Variants in GALNTL6 observed in about 807,000 individuals in gnomAD.
GALNTL6 encodes the protein polypeptide N-acetylgalactosaminyltransferase-like 6.
GALNTL6 carries 46 observed loss-of-function variants against 73.7 expected under a neutral mutation model. The ratio of observed to expected loss-of-function variants is 0.62; its 90% CI spans 0.49 to 0.80. GALNTL6 has a LOEUF of 0.80. Among genes scored for constraint, GALNTL6 ranks in the 30% least tolerant of loss-of-function variants. GALNTL6 has a pLI of 0.00. For synonymous variants in GALNTL6, 259 were observed against 263.7 expected (o/e 0.98, Z 0.17); for missense variants, 604 against 755.0 (o/e 0.80, Z 2.34).
chr4:172,973,119 C>G (rs1750656240), intron 10 of GALNTL6, among the ~76,000 whole-genome samples: 1 of 152,090 alleles, frequency 6.6e-6, no homozygotes, highest in Non-Finnish European at 1.5e-5. Flanking sequence ...TTTGCAATTC[C>G]TGATGCAATA....
At chr4:171,998,112 T>C (rs574976537) in intron 2 of GALNTL6, among the ~76,000 whole-genome samples, 1 of 152,274 alleles carries the variant, frequency 6.6e-6, no homozygotes, top group South Asian at 2.1e-4. Context: ...TGTGGATGAC[T>C]GAACAGAAAA....
chr4:172,924,060 G>A (rs373054048), intron 8 of GALNTL6, among the ~76,000 whole-genome samples: 1 of 152,032 alleles, frequency 6.6e-6, no homozygotes, highest in Admixed American at 6.6e-5. Flanking sequence ...AGGCAGAAGC[G>A]GGAAAACTAG....
chr4:172,794,985 C>T (rs1052383253), intron 5 of GALNTL6, among the ~76,000 whole-genome samples: 10 of 151,998 alleles, frequency 6.6e-5, no homozygotes, highest in Admixed American at 3.9e-4. Context: ...AAGAACATCT[C>T]GAATGAATGA....
chr4:172,202,652 A>T (rs1344167521), intron 2 of GALNTL6, among the ~76,000 whole-genome samples: 1 of 152,148 alleles, frequency 6.6e-6, no homozygotes, highest in African/African-American at 2.4e-5. Context: ...GTGGTCTGTG[A>T]TTACCATCTA....
At position 172,317,460 on chromosome 4, in the gene GALNTL6, G is replaced by T. The variant is rs77729563; in HGVS notation, c.386+5708G>T. On this transcript the variant is annotated intron_variant, in intron 4 of 12. Coordinates refer to ENST00000506823, the MANE Select transcript of GALNTL6 (RefSeq NM_001034845.3). Reference sequence around the variant, plus strand: ...AGTTATTTCTTTGTCTTCTGATAATGATCTTGTTGATTCCCTTTTTTATTT... The same window carrying T: ...AGTTATTTCTTTGTCTTCTGATAATTATCTTGTTGATTCCCTTTTTTATTT... Among the ~76,000 whole-genome samples, 1,018 of 152,246 alleles carry T rather than the reference G, an allele frequency of 6.7e-3. 11 individuals are homozygous for T. Among genetic ancestry groups the T allele is most frequent in the African/African-American group, 0.018 (745 of 41,544 alleles).
chr4:172,913,376 G>A (rs1435905784), intron 8 of GALNTL6, among the ~76,000 whole-genome samples: 7 of 152,196 alleles, frequency 4.6e-5, no homozygotes, highest in African/African-American at 1.7e-4. Flanking sequence ...GAACAAAGCT[G>A]GACGGAGAAT....
At chr4:172,860,709 G>A (rs375807495) in intron 7 of GALNTL6, among the ~76,000 whole-genome samples, 12 of 152,186 alleles carry the variant, frequency 7.9e-5, no homozygotes, top group South Asian at 6.2e-4. Flanking sequence ...TAATATTTAC[G>A]AGGAAAATAT....
At chr4:172,994,406 T>C (rs1751684431) in intron 10 of GALNTL6, among the ~76,000 whole-genome samples, 1 of 152,128 alleles carries the variant, frequency 6.6e-6, no homozygotes, top group Non-Finnish European at 1.5e-5. Flanking sequence ...TAAGAAATAG[T>C]TTGAAGATGT....
At chr4:172,330,080 A>T (rs1259660346) in intron 4 of GALNTL6, among the ~76,000 whole-genome samples, 1 of 152,226 alleles carries the variant, frequency 6.6e-6, no homozygotes, top group Non-Finnish European at 1.5e-5. Context: ...GGTGCAGTGG[A>T]AACAGGATCT....
chr4:172,608,588 G>C (rs919523969), intron 5 of GALNTL6, among the ~76,000 whole-genome samples: 3 of 151,934 alleles, frequency 2.0e-5, no homozygotes, highest in Admixed American at 6.5e-5. Context: ...ATTTCTTTTT[G>C]ATTAAGATTG....
intron 5 of GALNTL6, among the ~76,000 whole-genome samples, chr4:172,773,656 T>A (rs555196748): frequency 1.3e-5 from 2 of 151,818 alleles, no homozygotes; most frequent in Admixed American, 6.6e-5. Context: ...ACTTTACATA[T>A]ATAAATGTAA....
chr4:172,952,347 C>G lies in GALNTL6; in HGVS notation c.1371+89C>G, dbSNP rs946048856. 2.7e-5 allele frequency: 23 copies of G among 853,186 alleles called. No homozygotes were observed. In the Admixed American group the frequency reaches 5.1e-4, roughly 19 times the overall value. The allele number at this position is 853,186 out of a possible 1,614,324, so 52.9% of individuals were successfully genotyped here. On this transcript the variant is annotated intron_variant, in intron 10 of 12. Transcript: ENST00000506823. Reference sequence around the variant, plus strand: ...AGGTGGTGGGAGGGACTGCTAAAACCTTCACTTTTACCCTGCAGCCAAGTA... The same window carrying G: ...AGGTGGTGGGAGGGACTGCTAAAACGTTCACTTTTACCCTGCAGCCAAGTA...
intron 10 of GALNTL6, among the ~76,000 whole-genome samples, chr4:172,964,566 C>T (rs997663340): frequency 1.3e-5 from 2 of 152,166 alleles, no homozygotes; most frequent in Non-Finnish European, 2.9e-5. Context: ...AATGTCACCC[C>T]GAATTGTGGA....
intron 11 of GALNTL6, among the ~76,000 whole-genome samples, chr4:173,013,671 G>T (rs996592211): frequency 6.7e-6 from 1 of 150,256 alleles, no homozygotes; most frequent in African/African-American, 2.5e-5. Context: ...TACATAGGCA[G>T]AACAGAAAGA....
chr4:171,890,340 A>G (rs1414199936), intron 2 of GALNTL6, among the ~76,000 whole-genome samples: 1 of 152,110 alleles, frequency 6.6e-6, no homozygotes, highest in African/African-American at 2.4e-5. Flanking sequence ...TCTTTCCTTC[A>G]TTTGTTTCTT....
At chr4:172,737,654 G>A (rs1452078185) in intron 5 of GALNTL6, among the ~76,000 whole-genome samples, 3 of 152,092 alleles carry the variant, frequency 2.0e-5, no homozygotes, top group African/African-American at 2.4e-5. Context: ...AGAGATCATG[G>A]TTTTCTGTTT....
chr4:172,371,337 T>C (rs1404688135), intron 5 of GALNTL6, among the ~76,000 whole-genome samples: 1 of 152,212 alleles, frequency 6.6e-6, no homozygotes, highest in Non-Finnish European at 1.5e-5. Context: ...TAAGGACTTT[T>C]GATAGGAAGG....
At chr4:172,152,016 A>G (rs1006308041) in intron 2 of GALNTL6, among the ~76,000 whole-genome samples, 1 of 151,772 alleles carries the variant, frequency 6.6e-6, no homozygotes, top group South Asian at 2.1e-4. Context: ...TCTCTCTGTC[A>G]TCCAGGCTGG....
intron 3 of GALNTL6, among the ~76,000 whole-genome samples, chr4:172,262,956 T>C (rs1738308312): frequency 6.6e-6 from 1 of 151,614 alleles, no homozygotes; most frequent in Non-Finnish European, 1.5e-5. Flanking sequence ...CCCCAATCCC[T>C]TCTGGCTCGT....
Sources: allele counts gnomAD v4.1 joint callset (sites outside exome capture counted in the v4.1 genomes callset), GRCh38; gene constraint gnomAD v4.1.1; transcripts MANE v1.5; gene names NCBI Gene and HGNC (gene_info 2026-07-23, HGNC 2026-07-21).